The following AIG1 variants were observed in gnomAD, a reference collection of about 807,000 sequenced individuals.
AIG1 encodes the protein androgen-induced gene 1 protein.
In AIG1, 23 loss-of-function variants were observed where a neutral mutation model predicts 31.4. The ratio of observed to expected loss-of-function variants is 0.73; its 90% CI spans 0.53 to 1.04. AIG1 has a LOEUF of 1.04. AIG1 is among the 50% of genes least tolerant of loss of function. AIG1 has a pLI of 0.00. For synonymous variants in AIG1, 100 were observed against 110.5 expected (o/e 0.90, Z 0.60); for missense variants, 274 against 295.0 (o/e 0.93, Z 0.52).
chr6:143,166,141 G>A (rs369760108), intron 3 of AIG1, among the ~76,000 whole-genome samples: 2 of 152,128 alleles, frequency 1.3e-5, no homozygotes, highest in African/African-American at 4.8e-5. Context: ...AAACATCACT[G>A]TACTGAAGGG....
At chr6:143,119,222 T>TGG (rs1237257505) in intron 1 of AIG1, among the ~76,000 whole-genome samples, 1 of 152,210 alleles carries the variant, frequency 6.6e-6, no homozygotes, top group Non-Finnish European at 1.5e-5. Flanking sequence ...GCTGGCTATG[T>TGG]GGGGATTGTA....
chr6:143,325,150 A>G lies in AIG1; in HGVS notation c.516-8132A>G, dbSNP rs76331011. Among the ~76,000 whole-genome samples the G allele has an allele frequency of 0.061, 9,293 of 152,232 alleles. 391 individuals are homozygous for G. Among genetic ancestry groups the G allele is most frequent in the Non-Finnish European group, 0.098 (6,651 of 68,000 alleles). ...GACCCTGTGCTAATAGATGCTGTCT[A>G]CCTTTGAACCACTTGTCCCTTGGCT... On this transcript the variant is annotated intron_variant, in intron 4 of 5. Transcript: ENST00000357847. This position sits in a 1 kb window ranked among gnomAD's most constrained non-coding sequence, Gnocchi z 4.3.
chr6:143,061,176 G>A, intron 1 of AIG1, 110 bp downstream of exon 1: 1 of 1,358,902 alleles, frequency 7.4e-7, no homozygotes, highest in Non-Finnish European at 1.0e-6. Context: ...GCACGTGCGC[G>A]CCTCCAGCAT....
chr6:143,227,980 C>T (rs1793139697), intron 3 of AIG1, among the ~76,000 whole-genome samples: 1 of 152,170 alleles, frequency 6.6e-6, no homozygotes, highest in South Asian at 2.1e-4. Context: ...TCTATTTTAT[C>T]TTTCTCTGTA....
chr6:143,192,762 A>G (rs966567898), intron 3 of AIG1, among the ~76,000 whole-genome samples: 1 of 152,216 alleles, frequency 6.6e-6, no homozygotes, highest in Non-Finnish European at 1.5e-5. Context: ...AAATATCCAA[A>G]TAACTGCACA....
intron 1 of AIG1, among the ~76,000 whole-genome samples, chr6:143,125,530 C>G (rs1782618966): frequency 6.6e-6 from 1 of 152,154 alleles, no homozygotes; most frequent in Non-Finnish European, 1.5e-5. Flanking sequence ...TTGAGTAGCT[C>G]ATAGAGTCAG....
chr6:143,182,176 C>G (rs1450130401), intron 3 of AIG1, among the ~76,000 whole-genome samples: 1 of 152,110 alleles, frequency 6.6e-6, no homozygotes, highest in Admixed American at 6.5e-5. Flanking sequence ...CAGGCACACC[C>G]CACCATGCAT....
chr6:143,182,442 T>C (rs1788817423), intron 3 of AIG1, among the ~76,000 whole-genome samples: 1 of 152,202 alleles, frequency 6.6e-6, no homozygotes, highest in African/African-American at 2.4e-5. Context: ...TTCTGGTTCC[T>C]TGAGCACCCC....
chr6:143,302,652 CTT>C (rs1401216048), intron 4 of AIG1, among the ~76,000 whole-genome samples: 1 of 152,118 alleles, frequency 6.6e-6, no homozygotes, highest in African/African-American at 2.4e-5. Flanking sequence ...GGTTCCAAGT[CTT>C]TGCTATTGTG....
At chr6:143,211,480 T>C (rs1791584918) in intron 3 of AIG1, among the ~76,000 whole-genome samples, 1 of 152,200 alleles carries the variant, frequency 6.6e-6, no homozygotes, top group Non-Finnish European at 1.5e-5. Context: ...AATTTCCTAG[T>C]TTATACTCTG....
rs1304916801 is a variant in AIG1, at chr6:143,107,628, A to T, written c.142-29207A>T. 2.0e-5 allele frequency among the ~76,000 whole-genome samples: 3 copies of T among 152,234 alleles called. No individual in the cohort carries two copies. The East Asian group carries it at 5.8e-4, about 29-fold the overall frequency. ...ACTTGAATTTTAACCTTTGTGCTAA[A>T]GGTCTGGGAAGCAGAGGGAAAAGAG... is the stretch of plus-strand genomic sequence containing the variant. On this transcript the variant is annotated intron_variant, in intron 1 of 5. Transcript: ENST00000357847.
At chr6:143,067,139 CTGAG>C (rs1438267224) in intron 1 of AIG1, among the ~76,000 whole-genome samples, 1 of 151,880 alleles carries the variant, frequency 6.6e-6, no homozygotes, top group Admixed American at 6.6e-5. Flanking sequence ...GCACTCCAGC[CTGAG>C]TGACAGAGCC....
intron 1 of AIG1, among the ~76,000 whole-genome samples, chr6:143,093,882 T>C (rs1281217034): frequency 1.3e-5 from 2 of 152,208 alleles, no homozygotes. Flanking sequence ...TGCCATCTTC[T>C]ATGGGTGAGG....
chr6:143,078,323 C>T (rs1280938670), intron 1 of AIG1, among the ~76,000 whole-genome samples: 2 of 152,192 alleles, frequency 1.3e-5, no homozygotes, highest in Non-Finnish European at 2.9e-5. Context: ...GCCCTAAAGT[C>T]CTTGCCTGAT....
intron 4 of AIG1, among the ~76,000 whole-genome samples, chr6:143,332,822 A>G (rs1777187584): frequency 1.3e-5 from 2 of 152,342 alleles, no homozygotes; most frequent in African/African-American, 4.8e-5. Context: ...TTCAAATATC[A>G]TCAAAGACAA....
At chr6:143,321,850 A>G (rs1422985278) in intron 4 of AIG1, among the ~76,000 whole-genome samples, 1 of 152,190 alleles carries the variant, frequency 6.6e-6, no homozygotes, top group Non-Finnish European at 1.5e-5. Context: ...AGGGTGTGAT[A>G]CTGTGGTGTC....
At chr6:143,259,699 A>C (rs2128656369) in intron 3 of AIG1, among the ~76,000 whole-genome samples, 1 of 152,310 alleles carries the variant, frequency 6.6e-6, no homozygotes, top group Middle Eastern at 3.4e-3. Context: ...CCCCAAACTT[A>C]GTTCACTGCT....
chr6:143,233,579 C>CAAAAAA (rs67282019), intron 3 of AIG1, among the ~76,000 whole-genome samples: 24 of 123,258 alleles, frequency 1.9e-4, no homozygotes, highest in South Asian at 5.7e-4. Flanking sequence ...ATTTATGGAC[C>CAAAAAA]AAAAAAAAAA....
intron 1 of AIG1, among the ~76,000 whole-genome samples, chr6:143,084,487 C>T (rs759582249): frequency 2.0e-5 from 3 of 152,102 alleles, no homozygotes; most frequent in African/African-American, 7.2e-5. Flanking sequence ...TTTCTTATCC[C>T]GTTTGTCCCA....
Sources: gnomAD v4.1 joint callset for allele counts (sites outside exome capture counted in the v4.1 genomes callset) on GRCh38, gnomAD v4.1.1 for gene constraint, Gnocchi (gnomAD v3.1) non-coding constraint, MANE v1.5 for transcripts, NCBI Gene and HGNC (gene_info 2026-07-23, HGNC 2026-07-21) for gene names.